ATP2C2: variants seen among roughly 807,000 people sequenced by gnomAD.
The protein encoded by ATP2C2 is calcium-transporting ATPase type 2C member 2.
In ATP2C2, 171 loss-of-function variants were observed where a neutral mutation model predicts 110.8. That is an observed-to-expected ratio of 1.54 (90% CI 1.36 to 1.75). ATP2C2 has a LOEUF of 1.75. Ranked by LOEUF, ATP2C2 falls within the 40% of genes most tolerant of loss-of-function variation. The pLI is 0.00. For missense variants in ATP2C2, 1,963 were observed against 1,235.0 expected, an observed-to-expected ratio of 1.59 and a Z score of -8.84; for synonymous variants, 804 against 508.4, an observed-to-expected ratio of 1.58 and a Z score of -7.82.
At position 84,462,023 on chromosome 16, in the gene ATP2C2, C is replaced by G. The variant is rs565110094; in HGVS notation, c.2616C>G (p.Asn872Lys). The change falls in exon 26 of 27, where the codon AAC becomes AAG. Residue 872 changes from asparagine (N) to lysine (K), a missense_variant. Transcript: ENST00000262429. ...TATTTGAGATCGGCTTTCTCAGGAACCACATGTTCCTCTACTCCGTCCTGG... is the reference window on the plus strand; with the variant it reads ...TATTTGAGATCGGCTTTCTCAGGAAGCACATGTTCCTCTACTCCGTCCTGG... ...KLIFEIGFLRNHMFLYSVLGS... is the reference protein window; with the variant it reads ...KLIFEIGFLRKHMFLYSVLGS... 4 of 1,614,016 alleles carry G rather than the reference C, an allele frequency of 2.5e-6. No individual in the cohort carries two copies. Among genetic ancestry groups the G allele is most frequent in the Non-Finnish European group, 3.4e-6 (4 of 1,179,910 alleles).
chr16:84,392,101 T>C (rs1904699658), intron 1 of ATP2C2, among the ~76,000 whole-genome samples: 1 of 152,058 alleles, frequency 6.6e-6, no homozygotes, highest in Non-Finnish European at 1.5e-5. Context: ...TATGCAGAAA[T>C]AGACAGAATA....
intron 10 of ATP2C2, among the ~76,000 whole-genome samples, chr16:84,423,571 C>G (rs1019410770): frequency 6.6e-6 from 1 of 152,354 alleles, no homozygotes; most frequent in Non-Finnish European, 1.5e-5. Flanking sequence ...CGCCTACAAA[C>G]AGTGACTTGG....
chr16:84,446,286 G>T (rs1173335200), intron 15 of ATP2C2, 43 bp from the exon 16 acceptor site: 1 of 1,227,040 alleles, frequency 8.1e-7, no homozygotes, highest in African/African-American at 1.5e-5. Flanking sequence ...ATAGAGATTG[G>T]CTTCGGATGA....
chr16:84,452,054 G>A lies in ATP2C2; in HGVS notation c.1794G>A (p.Met598Ile), dbSNP rs747575746. 4.3e-6 allele frequency: 7 copies of A among 1,613,920 alleles called. No homozygotes were observed. Among genetic ancestry groups the A allele is most frequent in the Admixed American group, 3.3e-5 (2 of 59,994 alleles). The change falls in exon 18 of 27, where the codon ATG (methionine) becomes ATA (isoleucine). Residue 598 changes from methionine (M) to isoleucine (I), a missense_variant. Met to Ile is a conservative substitution (Grantham distance 10, BLOSUM62 1). Transcript: ENST00000262429. ...VLSESGVSVK[M>I]ITGDALETAL... ...CCGAGTCTGGTGTGTCTGTGAAGAT[G>A]ATAACGGGGGATGCCCTGGAGACGG...
In ATP2C2 at chr16:84,459,187, A is replaced by C; in HGVS notation, c.2215A>C (p.Thr739Pro). The C allele has an allele frequency of 6.2e-7, 1 of 1,614,236 alleles. No homozygotes were observed. The highest frequency in any genetic ancestry group is 2.2e-5 in the East Asian group (1 of 44,892). Reference sequence around the variant, plus strand: ...AAACTTTGTCCGATTCCAGCTGAGCACGTAAGTAGAGGCCAGCATTCCGAG... The same window carrying C: ...AAACTTTGTCCGATTCCAGCTGAGCCCGTAAGTAGAGGCCAGCATTCCGAG... ...IKNFVRFQLS[T>P]SISALSLITL... The change falls in exon 22 of 27, where the codon ACG (threonine) becomes CCG (proline). Residue 739 changes from threonine (T) to proline (P), a missense_variant and splice_region_variant. Coordinates refer to ENST00000262429, the MANE Select transcript of ATP2C2 (RefSeq NM_014861.4).
chr16:84,378,695 G>T (rs995820515), intron 1 of ATP2C2, among the ~76,000 whole-genome samples: 1 of 152,230 alleles, frequency 6.6e-6, no homozygotes, highest in Non-Finnish European at 1.5e-5. Context: ...AGCGCTCAGT[G>T]GTGGGGGCAG....
chr16:84,442,694 G>A (rs1356379299), intron 15 of ATP2C2, 95 bp downstream of exon 15: 1 of 1,201,108 alleles, frequency 8.3e-7, no homozygotes, highest in East Asian at 2.4e-5. Context: ...AACAGGAGTG[G>A]GGACGTTAGG....
At chr16:84,410,920 A>T in intron 6 of ATP2C2, 155 bp downstream of exon 6, 1 of 718,364 alleles carries the variant, frequency 1.4e-6, no homozygotes, top group Non-Finnish European at 2.4e-6. Flanking sequence ...CCGCCTGCCA[A>T]TAGGTCGCTG....
In ATP2C2 at chr16:84,448,397, G is replaced by A. The variant is rs1163280188; in HGVS notation, c.1504-136G>A. The A allele has an allele frequency of 6.2e-6, 7 of 1,127,834 alleles. No individual in the cohort carries two copies. In the Middle Eastern group the frequency reaches 8.7e-4, roughly 141 times the overall value. 69.9% of individuals were successfully genotyped at this position (1,127,834 alleles called of 1,614,324 possible). A position where few individuals can be genotyped will look rare whatever the true frequency, so the allele number is the denominator to read the frequency against. On this transcript the variant is annotated intron_variant, in intron 16 of 26. Transcript: ENST00000262429. Reference sequence around the variant, plus strand: ...CGAACCTGTCCAGCACCTGTGAACAGCACCAGCCTATGATAAATAACTCCG... The same window carrying A: ...CGAACCTGTCCAGCACCTGTGAACAACACCAGCCTATGATAAATAACTCCG...
At chr16:84,430,519 T>C (rs1567718384) in intron 11 of ATP2C2, among the ~76,000 whole-genome samples, 1 of 151,480 alleles carries the variant, frequency 6.6e-6, no homozygotes, top group Non-Finnish European at 1.5e-5. Context: ...CACGTGCCTA[T>C]AATCCCAGCT....
intron 3 of ATP2C2, chr16:84,406,474 A>G: frequency 1.3e-5 from 7 of 536,688 alleles, no homozygotes; most frequent in Non-Finnish European, 1.7e-5. Context: ...CCGCCTTCCT[A>G]TTGGCTCTGT....
intron 11 of ATP2C2, among the ~76,000 whole-genome samples, chr16:84,431,504 A>T (rs1051307596): frequency 6.6e-6 from 1 of 152,034 alleles, no homozygotes; most frequent in East Asian, 1.9e-4. Context: ...TCAAGACGAA[A>T]AAAAGGGAGG....
At chr16:84,404,874 A>G (rs762456802) in intron 2 of ATP2C2, 2 of 564,800 alleles carry the variant, frequency 3.5e-6, no homozygotes, top group East Asian at 4.0e-5. Context: ...TCTATGCTGC[A>G]TTTCCATTTG....
At chr16:84,458,982 G>T in intron 21 of ATP2C2, 138 bp from the exon 22 acceptor site, 3 of 889,440 alleles carry the variant, frequency 3.4e-6, no homozygotes, top group Non-Finnish European at 5.3e-6. Flanking sequence ...CCCCAAGAAT[G>T]CCAGCAAGGG....
At chr16:84,441,106 A>G (rs1597842005) in intron 14 of ATP2C2, 148 bp downstream of exon 14, 1 of 713,008 alleles carries the variant, frequency 1.4e-6, no homozygotes, top group Non-Finnish European at 2.4e-6. Flanking sequence ...CACTGAAAAA[A>G]TGGCCTCAAA....
At chr16:84,395,185 G>A (rs750324153) in intron 1 of ATP2C2, among the ~76,000 whole-genome samples, 2 of 152,034 alleles carry the variant, frequency 1.3e-5, no homozygotes, top group African/African-American at 2.4e-5. Context: ...GAGGGAAGTC[G>A]GAGGCTGGGT....
At chr16:84,445,730 A>C (rs1320531577) in intron 15 of ATP2C2, among the ~76,000 whole-genome samples, 1 of 152,226 alleles carries the variant, frequency 6.6e-6, no homozygotes, top group African/African-American at 2.4e-5. Context: ...TTAATATGGT[A>C]GATACACTGT....
At chr16:84,401,645 T>G (rs960189174) in intron 2 of ATP2C2, among the ~76,000 whole-genome samples, 1 of 152,164 alleles carries the variant, frequency 6.6e-6, no homozygotes, top group Admixed American at 6.5e-5. Context: ...ACTGTAGATG[T>G]ATGGATTTAT....
chr16:84,453,485 C>T (rs996305110), intron 20 of ATP2C2, 114 bp downstream of exon 20: 28 of 1,392,164 alleles, frequency 2.0e-5, no homozygotes, highest in African/African-American at 7.1e-5. Context: ...CCGTGGCTTC[C>T]TTCTCTAGGT....
Sources: gnomAD v4.1 joint callset for allele counts (sites outside exome capture counted in the v4.1 genomes callset) on GRCh38, gnomAD v4.1.1 for gene constraint, MANE v1.5 for transcripts, NCBI Gene and HGNC (gene_info 2026-07-23, HGNC 2026-07-21) for gene names.